The following ATP6V0A2 variants were observed in gnomAD, a reference collection of about 807,000 sequenced individuals.
ATP6V0A2 encodes V-type proton ATPase 116 kDa subunit a 2.
Under a neutral mutation model 104.4 loss-of-function variants are expected in ATP6V0A2, and 58 were observed. That is an observed-to-expected ratio of 0.56 (90% CI 0.45 to 0.69). The LOEUF (loss-of-function observed/expected upper bound fraction) is 0.69. ATP6V0A2 is among the 30% of genes least tolerant of loss of function. The probability of loss-of-function intolerance (pLI) is 0.00; values close to 1 mark genes in which losing one functional copy is unlikely to be tolerated. For missense variants in ATP6V0A2, 938 were observed against 1,062.9 expected (o/e 0.88, Z 1.63); for synonymous variants, 376 against 397.9 (o/e 0.95, Z 0.65).
At chr12:123,721,894 A>G (rs1358946401) in intron 2 of ATP6V0A2, among the ~76,000 whole-genome samples, 1 of 152,204 alleles carries the variant, frequency 6.6e-6, no homozygotes, top group Non-Finnish European at 1.5e-5. Context: ...GCGAGAAATC[A>G]TGTTGCCAGC....
At chr12:123,749,565 G>A (rs1400356765) in intron 15 of ATP6V0A2, among the ~76,000 whole-genome samples, 1 of 152,182 alleles carries the variant, frequency 6.6e-6, no homozygotes, top group South Asian at 2.1e-4. Context: ...TGTAAAATGG[G>A]ACTAAAAACA....
rs1209124197 is a variant in ATP6V0A2 at position 123,747,703 on chromosome 12, A to G, written c.1702A>G (p.Ile568Val). The change falls in exon 14 of 20, where the codon ATT (isoleucine) becomes GTT (valine). Residue 568 changes from isoleucine (I) to valine (V), a missense_variant. By Grantham distance (29) the Ile-to-Val change is conservative. Coordinates refer to ENST00000330342, the MANE Select transcript of ATP6V0A2 (RefSeq NM_012463.4). Reference protein sequence around the residue: ...LGIIHMTFGVILGIFNHLHFR... With the variant: ...LGIIHMTFGVVLGIFNHLHFR... Reference sequence around the variant, plus strand: ...AATCATTCATATGACTTTTGGAGTCATTCTGGGAATATTTAACCACTTGTA... The same window carrying G: ...AATCATTCATATGACTTTTGGAGTCGTTCTGGGAATATTTAACCACTTGTA... 2.5e-6 allele frequency: 4 copies of G among 1,603,466 alleles called. No homozygotes were observed. The South Asian group carries it at 3.3e-5, about 13-fold the overall frequency.
rs1956675270 is a variant in ATP6V0A2, at chr12:123,747,689, T to C, written c.1688T>C (p.Met563Thr). The C allele has an allele frequency of 3.1e-6, 5 of 1,611,450 alleles. No homozygotes were observed. In the Admixed American group the frequency reaches 5.0e-5, roughly 16 times the overall value. Residue 563 changes from methionine (M) to threonine (T), a missense_variant, in exon 14 of 20, where the codon ATG (methionine) becomes ACG (threonine). By Grantham distance (81) the Met-to-Thr change is moderately conservative. Coordinates refer to ENST00000330342, the MANE Select transcript of ATP6V0A2 (RefSeq NM_012463.4). Reference protein sequence around the residue: ...KMSVILGIIHMTFGVILGIFN... With the variant: ...KMSVILGIIHTTFGVILGIFN... The stretch of plus-strand genomic sequence containing the variant: ...TCCGTGATTTTAGGAATCATTCATA[T>C]GACTTTTGGAGTCATTCTGGGAATA...
intron 5 of ATP6V0A2, among the ~76,000 whole-genome samples, chr12:123,727,295 T>A (rs1956457076): frequency 5.3e-5 from 1 of 18,772 alleles, no homozygotes; most frequent in Admixed American, 8.7e-4. Flanking sequence ...TTTCTCTCTT[T>A]TTTTTTTTTT....
At position 123,759,179 on chromosome 12, in the gene ATP6V0A2, G is replaced by T. The variant is rs2135925948; in HGVS notation, c.*1147G>T. 1 of 152,416 alleles carries T rather than the reference G, an allele frequency of 6.6e-6. No homozygotes were observed. The highest frequency in any genetic ancestry group is 2.1e-4 in the South Asian group (1 of 4,820). 9.4% of individuals were successfully genotyped at this position (152,416 alleles called of 1,614,324 possible). On this transcript the variant is annotated 3_prime_UTR_variant, in exon 20 of 20. Transcript: ENST00000330342. ...AAAAAGTAGTATTTTGTATATTTTT[G>T]TAACAAAATATAAATGAAGATATTT...
In ATP6V0A2 at chr12:123,725,084, C is replaced by T. The variant is rs1047030250; in HGVS notation, c.432+293C>T. Among the ~76,000 whole-genome samples the T allele has an allele frequency of 7.2e-5, 11 of 151,954 alleles. No individual in the cohort carries two copies. In the East Asian group the frequency reaches 1.5e-3, roughly 21 times the overall value. On this transcript the variant is annotated intron_variant, in intron 4 of 19. Coordinates refer to ENST00000330342, the MANE Select transcript of ATP6V0A2 (RefSeq NM_012463.4). ...TCGAATAGCTGGGATTACAGGCGCC[C>T]GCCACCACGCCTGTAATTTTTTGTA...
At position 123,758,008 on chromosome 12, in the gene ATP6V0A2, C is replaced by A. The variant is rs775425809; in HGVS notation, c.2547C>A (p.Phe849Leu). Reference sequence around the variant, plus strand: ...CATTCAGTCTACTTTCATCAAAGTTCAATAACGACGACAGTGTGGCATGAT... The same window carrying A: ...CATTCAGTCTACTTTCATCAAAGTTAAATAACGACGACAGTGTGGCATGAT... ...PFSFSLLSSK[F>L]NNDDSVA The change falls in exon 20 of 20, where the codon TTC (phenylalanine) becomes TTA (leucine). Residue 849 changes from phenylalanine (F) to leucine (L), a missense_variant. Physicochemically the swap from Phe to Leu is conservative, Grantham distance 22. Transcript: ENST00000330342. 2.1e-5 allele frequency: 34 copies of A among 1,611,520 alleles called. No homozygotes were observed. The highest frequency in any genetic ancestry group is 2.7e-5 in the Non-Finnish European group (32 of 1,178,564).
chr12:123,737,802 G>C (rs1956570428), intron 9 of ATP6V0A2: 1 of 162,844 alleles, frequency 6.1e-6, no homozygotes, highest in Admixed American at 5.7e-5. Context: ...TAGATAAGCA[G>C]ATAGGAGTAG....
At position 123,758,075 on chromosome 12, in the gene ATP6V0A2, G is replaced by T; in HGVS notation, c.*43G>T. 7.3e-7 allele frequency: 1 copy of T among 1,367,766 alleles called. No homozygotes were observed. Among genetic ancestry groups the T allele is most frequent in the South Asian group, 1.2e-5 (1 of 85,824 alleles). 84.7% of individuals were successfully genotyped at this position (1,367,766 alleles called of 1,614,324 possible). A position where few individuals can be genotyped will look rare whatever the true frequency, so the allele number is the denominator to read the frequency against. ...ACAAGCTTTCAGATTTATGGAGAAT[G>T]ACCATGTTATAGACTTTCACTTATG... is the stretch of plus-strand genomic sequence containing the variant. On this transcript the variant is annotated 3_prime_UTR_variant, in exon 20 of 20. Transcript: ENST00000330342.
intron 6 of ATP6V0A2, among the ~76,000 whole-genome samples, chr12:123,729,578 G>C (rs1956481473): frequency 6.6e-6 from 1 of 152,092 alleles, no homozygotes; most frequent in African/African-American, 2.4e-5. Flanking sequence ...GGGAGAGACA[G>C]AGTCATAATC....
chr12:123,718,381 C>T (rs1251540488), intron 1 of ATP6V0A2, among the ~76,000 whole-genome samples: 2 of 151,970 alleles, frequency 1.3e-5, no homozygotes, highest in African/African-American at 4.8e-5. Context: ...TGAGCTACCG[C>T]CCCGGCCTAA....
At chr12:123,741,873 G>C (rs1956612670) in intron 9 of ATP6V0A2, among the ~76,000 whole-genome samples, 1 of 152,150 alleles carries the variant, frequency 6.6e-6, no homozygotes, top group South Asian at 2.1e-4. Flanking sequence ...GAAGATGGCA[G>C]GTTCAGGATA....
rs1423172776 is a variant in ATP6V0A2 at position 123,759,071 on chromosome 12, A to G, written c.*1039A>G. The G allele has an allele frequency of 6.5e-6, 1 of 152,682 alleles. No homozygotes were observed. The highest frequency in any genetic ancestry group is 1.5e-5 in the Non-Finnish European group (1 of 68,044). The allele number at this position is 152,682 out of a possible 1,614,324, so 9.5% of individuals were successfully genotyped here. The stretch of plus-strand genomic sequence containing the variant: ...AAAACCCAGTGTGACTGTAGAAGAT[A>G]TAATGCGGACATGATTTGAATTTAG... On this transcript the variant is annotated 3_prime_UTR_variant, in exon 20 of 20. Transcript: ENST00000330342.
Position 123,729,322 on chromosome 12 carries a change from G to GTTTTTTTTTTTTTTTTTTTTT in ATP6V0A2, c.648+1424_648+1425insTTTTTTTTTTTTTTTTTTTTT, listed in dbSNP as rs71308012. On this transcript the variant is annotated intron_variant, in intron 6 of 19. Coordinates refer to ENST00000330342, the MANE Select transcript of ATP6V0A2 (RefSeq NM_012463.4). ...AATCAACTGTTTCTTCAAGGAGGCT[G>GTTTTTTTTTTTTTTTTTTTTT]TTTTTTTTTTTGAGTGCAAATCTTG... Among the ~76,000 whole-genome samples, 48 of 113,868 alleles carry GTTTTTTTTTTTTTTTTTTTTT rather than the reference G, an allele frequency of 4.2e-4. 4 individuals carry two copies. Among genetic ancestry groups the GTTTTTTTTTTTTTTTTTTTTT allele is most frequent in the African/African-American group, 7.1e-4 (21 of 29,762 alleles). 74.7% of individuals were successfully genotyped at this position (113,868 alleles called of 152,430 possible). A position where few individuals can be genotyped will look rare whatever the true frequency, so the allele number is the denominator to read the frequency against.
intron 1 of ATP6V0A2, among the ~76,000 whole-genome samples, chr12:123,713,395 GTAA>G (rs1956310726): frequency 6.6e-6 from 1 of 152,102 alleles, no homozygotes; most frequent in African/African-American, 2.4e-5. Context: ...TCCCCAACAA[GTAA>G]TAATAAACAT....
intron 9 of ATP6V0A2, among the ~76,000 whole-genome samples, chr12:123,740,366 G>A (rs1227988169): frequency 6.6e-6 from 1 of 152,046 alleles, no homozygotes; most frequent in African/African-American, 2.4e-5. Context: ...TACCATGCCT[G>A]GCTAATTTTT....
intron 1 of ATP6V0A2, among the ~76,000 whole-genome samples, chr12:123,714,469 C>T (rs1956321256): frequency 6.6e-6 from 1 of 152,074 alleles, no homozygotes; most frequent in Non-Finnish European, 1.5e-5. Flanking sequence ...GTGGTGACAG[C>T]TAGTGGGAAG....
At chr12:123,717,912 A>G (rs547317904) in intron 1 of ATP6V0A2, among the ~76,000 whole-genome samples, 1 of 151,948 alleles carries the variant, frequency 6.6e-6, no homozygotes, top group African/African-American at 2.4e-5. Context: ...TTGCTGGGCA[A>G]ATAATCATTT....
At chr12:123,718,425 G>A (rs780768205) in intron 1 of ATP6V0A2, among the ~76,000 whole-genome samples, 198 bp from the exon 2 acceptor site, 6 of 152,014 alleles carry the variant, frequency 3.9e-5, no homozygotes, top group Non-Finnish European at 8.8e-5. Context: ...GGGTTTCACC[G>A]TGTTGGCCCG....
Sources: allele counts gnomAD v4.1 joint callset (sites outside exome capture counted in the v4.1 genomes callset), GRCh38; gene constraint gnomAD v4.1.1; transcripts MANE v1.5; gene names NCBI Gene and HGNC (gene_info 2026-07-23, HGNC 2026-07-21).